Variants in ADGRA1 observed in about 807,000 individuals in gnomAD.
ADGRA1 encodes G-protein coupled receptor 123.
A neutral mutation model predicts 21.3 loss-of-function variants in ADGRA1; 12 were observed. The observed-to-expected ratio is 0.56, with a 90% confidence interval of 0.36 to 0.91. ADGRA1 has a LOEUF of 0.91. Ranked by LOEUF, ADGRA1 falls within the 40% of genes least tolerant of loss-of-function variation. ADGRA1 has a pLI of 0.01. For missense variants in ADGRA1, 790 were observed against 805.6 expected (o/e 0.98, Z 0.23); for synonymous variants, 385 against 368.8 (o/e 1.04, Z -0.50).
intron 5 of ADGRA1, among the ~76,000 whole-genome samples, chr10:133,126,373 AC>A (rs1204691139): frequency 1.3e-5 from 2 of 152,026 alleles, no homozygotes; most frequent in Non-Finnish European, 2.9e-5. Context: ...GACACAGGCC[AC>A]CCCCTCCCAC....
chr10:133,119,840 C>T (rs908613118), intron 5 of ADGRA1, among the ~76,000 whole-genome samples: 1 of 152,218 alleles, frequency 6.6e-6, no homozygotes, highest in African/African-American at 2.4e-5. Context: ...TTCAGCAAAC[C>T]ATGCTGTCAA....
At chr10:133,120,021 A>G (rs1418700494) in intron 5 of ADGRA1, among the ~76,000 whole-genome samples, 6 of 152,216 alleles carry the variant, frequency 3.9e-5, no homozygotes, top group Admixed American at 1.3e-4. Flanking sequence ...TGTGCTTGGA[A>G]GCTTGGAAGC....
intron 2 of ADGRA1, among the ~76,000 whole-genome samples, chr10:133,092,279 T>C (rs1432238074): frequency 6.6e-6 from 1 of 152,214 alleles, no homozygotes; most frequent in African/African-American, 2.4e-5. Flanking sequence ...ATGGCTACAG[T>C]CTACTTCCTT....
rs148877077 is a variant in ADGRA1, at chr10:133,128,359, C to T, written c.531C>T (p.Gly177=). 5.9e-5 allele frequency: 93 copies of T among 1,564,632 alleles called. No individual in the cohort carries two copies. Among genetic ancestry groups the T allele is most frequent in the African/African-American group, 8.2e-5 (6 of 73,024 alleles). ...GGATGGCCTGGGAGCCCAGCCTGGG[C>T]GCCTTCTACGGCCCAGCCGCCATCA... ...YCWMAWEPSL[G]AFYGPAAIIT... Residue 177 remains glycine (G), a synonymous_variant, in exon 7 of 7, where the codon GGC becomes GGT. Coordinates refer to ENST00000392607, the MANE Select transcript of ADGRA1 (RefSeq NM_001083909.3).
chr10:133,114,154 A>G (rs918454632), intron 5 of ADGRA1, among the ~76,000 whole-genome samples: 16 of 152,232 alleles, frequency 1.1e-4, no homozygotes, highest in Non-Finnish European at 1.5e-4. Context: ...CACCAAGCCC[A>G]GTGCCCGCAC....
At chr10:133,102,135 C>T (rs1049631284) in intron 4 of ADGRA1, 15 of 438,380 alleles carry the variant, frequency 3.4e-5, no homozygotes, top group South Asian at 9.5e-5. Flanking sequence ...TGAGGAACGG[C>T]GACCTGCAGG....
intron 1 of ADGRA1, 191 bp downstream of exon 1, chr10:133,088,329 C>A: frequency 6.0e-6 from 1 of 166,752 alleles, no homozygotes; most frequent in Non-Finnish European, 1.2e-5. Context: ...GAGCTCGAGC[C>A]ACATCCAGGC....
At chr10:133,095,826 T>C (rs780671316) in intron 2 of ADGRA1, 1 of 1,578,514 alleles carries the variant, frequency 6.3e-7, no homozygotes, top group Admixed American at 1.7e-5. Context: ...GGAGGGTCCC[T>C]CTCCACTTCC....
At chr10:133,096,249 T>G (rs1290330982) in intron 2 of ADGRA1, among the ~76,000 whole-genome samples, 1 of 152,158 alleles carries the variant, frequency 6.6e-6, no homozygotes, top group Non-Finnish European at 1.5e-5. Flanking sequence ...CACCCCTCTG[T>G]GCTTCCCCGG....
At chr10:133,101,469 C>A (rs1178054498) in intron 4 of ADGRA1, among the ~76,000 whole-genome samples, 2 of 152,268 alleles carry the variant, frequency 1.3e-5, no homozygotes, top group Non-Finnish European at 2.9e-5. Flanking sequence ...GCCTCTCCAT[C>A]TGTCCAGCCT....
chr10:133,109,776 T>G (rs145566721), intron 5 of ADGRA1, among the ~76,000 whole-genome samples: 35 of 152,228 alleles, frequency 2.3e-4, no homozygotes, highest in African/African-American at 7.5e-4. Context: ...ACGGCAGGGA[T>G]GTAGTAAATA....
rs562535064 is a variant in ADGRA1, at chr10:133,130,805, T to TCACA, written c.*1300_*1303dup. The stretch of plus-strand genomic sequence containing the variant: ...ACACACATGCACACAAACGTGCATA[T>TCACA]CACACACACGCACACACACCCAAAC... On this transcript the variant is annotated 3_prime_UTR_variant, in exon 7 of 7. Transcript: ENST00000392607. 1 of 146,064 alleles carries TCACA rather than the reference T, an allele frequency of 6.8e-6. No individual in the cohort carries two copies. The highest frequency in any genetic ancestry group is 2.6e-5 in the African/African-American group (1 of 38,844). The allele number at this position is 146,064 out of a possible 1,614,324, so 9.0% of individuals were successfully genotyped here.
chr10:133,126,596 C>G (rs994319041), intron 5 of ADGRA1, among the ~76,000 whole-genome samples: 1 of 152,198 alleles, frequency 6.6e-6, no homozygotes, highest in Non-Finnish European at 1.5e-5. Context: ...CCGGGACACG[C>G]TGCATCCCGC....
At chr10:133,093,471 G>A (rs901136676) in intron 2 of ADGRA1, among the ~76,000 whole-genome samples, 4 of 152,236 alleles carry the variant, frequency 2.6e-5, no homozygotes, top group Non-Finnish European at 5.9e-5. Flanking sequence ...TCCCACGCAC[G>A]CCGGGCTCAC....
chr10:133,113,634 C>T (rs929592096), intron 5 of ADGRA1, among the ~76,000 whole-genome samples: 6 of 152,156 alleles, frequency 3.9e-5, no homozygotes, highest in African/African-American at 1.4e-4. Flanking sequence ...GGAATGCGTG[C>T]CTGAGGCCAG....
chr10:133,126,352 G>A (rs965524639), intron 5 of ADGRA1, among the ~76,000 whole-genome samples: 1 of 152,222 alleles, frequency 6.6e-6, no homozygotes. Context: ...GGGAGTCCCT[G>A]AGAACTACCA....
intron 6 of ADGRA1, among the ~76,000 whole-genome samples, chr10:133,127,603 G>T (rs11101943): frequency 2.6e-5 from 4 of 151,996 alleles, no homozygotes; most frequent in African/African-American, 9.7e-5. Context: ...GACAAATAGC[G>T]ATTTGGCAAC....
At position 133,087,935 on chromosome 10, in the gene ADGRA1, G is replaced by C; in HGVS notation, c.-406G>C. ...CGCGGGAGGTGCGCGCAGAGGCGGC[G>C]GCGCTGCTGGCCGGGCTGGGCCGCT... On this transcript the variant is annotated 5_prime_UTR_variant, in exon 1 of 7. Coordinates refer to ENST00000392607, the MANE Select transcript of ADGRA1 (RefSeq NM_001083909.3). The C allele has an allele frequency of 1.0e-6, 1 of 985,020 alleles. No individual in the cohort carries two copies. Among genetic ancestry groups the C allele is most frequent in the Non-Finnish European group, 1.2e-6 (1 of 829,826 alleles). The allele number at this position is 985,020 out of a possible 1,614,324, so 61.0% of individuals were successfully genotyped here. A position where few individuals can be genotyped will look rare whatever the true frequency, so the allele number is the denominator to read the frequency against.
intron 4 of ADGRA1, among the ~76,000 whole-genome samples, chr10:133,100,251 A>T (rs373959251): frequency 1.3e-5 from 2 of 152,152 alleles, no homozygotes; most frequent in East Asian, 3.9e-4. Flanking sequence ...GGTCAGACGT[A>T]CCTCCTGCCT....
Sources: gnomAD v4.1 joint callset for allele counts (sites outside exome capture counted in the v4.1 genomes callset) on GRCh38, gnomAD v4.1.1 for gene constraint, MANE v1.5 for transcripts, NCBI Gene and HGNC (gene_info 2026-07-23, HGNC 2026-07-21) for gene names.